The following MATK variants were observed in gnomAD, a reference collection of about 807,000 sequenced individuals.
The protein encoded by MATK is megakaryocyte-associated tyrosine-protein kinase.
MATK carries 41 observed loss-of-function variants against 59.8 expected under a neutral mutation model. The observed-to-expected ratio is 0.69, with a 90% CI of 0.53 to 0.89. The LOEUF is 0.89. Among genes scored for constraint, MATK ranks in the 40% least tolerant of loss-of-function variants. The probability of loss-of-function intolerance (pLI) is 0.00; values close to 1 mark genes in which losing one functional copy is unlikely to be tolerated. For missense variants in MATK, 593 were observed against 719.6 expected, an observed-to-expected ratio of 0.82 and a Z score of 2.01; for synonymous variants, 308 against 306.1, an observed-to-expected ratio of 1.01 and a Z score of -0.06.
At position 3,778,155 on chromosome 19, in the gene MATK, C is replaced by A; in HGVS notation, c.*28G>T. 6.5e-7 allele frequency: 1 copy of A among 1,536,112 alleles called. No homozygotes were observed. Among genetic ancestry groups the A allele is most frequent in the African/African-American group, 1.4e-5 (1 of 72,280 alleles). On this transcript the variant is annotated 3_prime_UTR_variant, in exon 14 of 14. Coordinates refer to ENST00000310132, the MANE Select transcript of MATK (RefSeq NM_139355.3). ...CCGCACTCTCCACTCTCTCGGTCCT[C>A]TGGGGCCAAGGGCCCCACCGGGTGG...
chr19:3,793,248 C>G (rs1330579023), intron 1 of MATK: 2 of 152,246 alleles, frequency 1.3e-5, no homozygotes, highest in African/African-American at 4.8e-5. Context: ...TCCGTGGAAA[C>G]TGGGTCTGTG....
At chr19:3,799,122 C>T (rs965999459) in intron 1 of MATK, among the ~76,000 whole-genome samples, 8 of 152,036 alleles carry the variant, frequency 5.3e-5, no homozygotes, top group African/African-American at 1.7e-4. Flanking sequence ...CCCATTTGCA[C>T]AGCCCCTCAT....
In MATK at chr19:3,786,249, G is replaced by C. The variant is rs947858454; in HGVS notation, c.-232C>G. 191 of 985,318 alleles carry C rather than the reference G, an allele frequency of 1.9e-4. No individual in the cohort carries two copies. In the Middle Eastern group the frequency reaches 3.1e-3, roughly 16 times the overall value. 61.0% of individuals were successfully genotyped at this position (985,318 alleles called of 1,614,324 possible). ...GCGAGCCGGCTGCACACCCCGAGGC[G>C]GTCCCGGCTGCACAACTTGGAGCGA... On this transcript the variant is annotated 5_prime_UTR_variant, in exon 1 of 14. Transcript: ENST00000310132. The surrounding 1 kb of genome is among the most constrained non-coding windows in gnomAD (Gnocchi z 4.1).
At position 3,786,179 on chromosome 19, in the gene MATK, G is replaced by T. The variant is rs2037481144; in HGVS notation, c.-162C>A. 1 of 980,994 alleles carries T rather than the reference G, an allele frequency of 1.0e-6. No homozygotes were observed. The highest frequency in any genetic ancestry group is 1.8e-5 in the African/African-American group (1 of 57,090). 60.8% of individuals were successfully genotyped at this position (980,994 alleles called of 1,614,324 possible). ...CGCCGACGTGCTCACCTGCTCAGGG[G>T]GCGCCCCCGAGCCGCGCCCCGCGCC... On this transcript the variant is annotated 5_prime_UTR_variant, in exon 1 of 14. Transcript: ENST00000310132. The surrounding 1 kb of genome is among the most constrained non-coding windows in gnomAD (Gnocchi z 4.1).
Position 3,785,263 on chromosome 19 carries a change from A to AC in MATK, c.-129dup. On this transcript the variant is annotated 5_prime_UTR_variant, in exon 2 of 14. Coordinates refer to ENST00000310132, the MANE Select transcript of MATK (RefSeq NM_139355.3). ...GAGGTAGGGAGCTGGGTGCCACTGG[A>AC]CCGAGCCTGGTTCTTCCTGTTTTCT... The AC allele has an allele frequency of 6.5e-7, 1 of 1,540,744 alleles. No homozygotes were observed. Among genetic ancestry groups the AC allele is most frequent in the Non-Finnish European group, 8.7e-7 (1 of 1,146,942 alleles).
At chr19:3,800,328 AAAG>A (rs2037631540) in intron 1 of MATK, among the ~76,000 whole-genome samples, 1 of 152,022 alleles carries the variant, frequency 6.6e-6, no homozygotes, top group Non-Finnish European at 1.5e-5. Context: ...ACAGGGCATT[AAAG>A]AATAGAGAGC....
At chr19:3,792,419 G>A (rs1365008904) in intron 1 of MATK, among the ~76,000 whole-genome samples, 1 of 151,980 alleles carries the variant, frequency 6.6e-6, no homozygotes, top group East Asian at 1.9e-4. Context: ...TGATAGAAAG[G>A]CATCGTGACT....
upstream of MATK, among the ~76,000 whole-genome samples, chr19:3,789,818 A>G (rs113128670): frequency 0.025 from 3,478 of 140,296 alleles, 127 homozygotes; most frequent in African/African-American, 0.089. Context: ...TCCATCTCCC[A>G]GGTTCAAGCG....
At chr19:3,788,481 G>A (rs2037510337), upstream of MATK, among the ~76,000 whole-genome samples, 1 of 151,798 alleles carries the variant, frequency 6.6e-6, no homozygotes, top group Non-Finnish European at 1.5e-5. Flanking sequence ...TTAGTCTGGT[G>A]TGGTGGTGGA....
In MATK at chr19:3,784,642, G is replaced by A. The variant is rs533534801; in HGVS notation, c.132+183C>T. On this transcript the variant is annotated intron_variant, in intron 3 of 13. Transcript: ENST00000310132. ...GGGGTGCTCAGAGAGAAATCGTAGA[G>A]TCACAAAGAGAGGCGGCCTGGGACA... The A allele has an allele frequency of 1.6e-4, 105 of 671,706 alleles. No individual in the cohort carries two copies. In the African/African-American group the frequency reaches 1.8e-3, roughly 12 times the overall value. 41.6% of individuals were successfully genotyped at this position (671,706 alleles called of 1,614,324 possible). A position where few individuals can be genotyped will look rare whatever the true frequency, so the allele number is the denominator to read the frequency against.
At chr19:3,795,712 G>A (rs1021369762) in intron 1 of MATK, among the ~76,000 whole-genome samples, 41 of 146,930 alleles carry the variant, frequency 2.8e-4, no homozygotes, top group Non-Finnish European at 6.1e-4. Context: ...TTTGCTCTCC[G>A]CTGCCTTCTC....
chr19:3,788,098 T>TAA (rs2037505813), upstream of MATK, among the ~76,000 whole-genome samples: 5 of 20,298 alleles, frequency 2.5e-4, no homozygotes, highest in Admixed American at 1.1e-3. Flanking sequence ...TTATTAATAT[T>TAA]TATATTATAT....
chr19:3,798,945 A>G (rs895293099), intron 1 of MATK, among the ~76,000 whole-genome samples: 3 of 151,086 alleles, frequency 2.0e-5, no homozygotes, highest in Admixed American at 2.0e-4. Flanking sequence ...AGCTGGGACT[A>G]TAGGCATGCA....
upstream of MATK, among the ~76,000 whole-genome samples, chr19:3,788,503 C>G (rs2037510608): frequency 6.6e-6 from 1 of 151,528 alleles, no homozygotes; most frequent in Non-Finnish European, 1.5e-5. Flanking sequence ...GCCTGTAATC[C>G]CAGCTACTCG....
intron 1 of MATK, among the ~76,000 whole-genome samples, chr19:3,799,865 G>A (rs189483696): frequency 4.4e-4 from 67 of 151,968 alleles, no homozygotes; most frequent in Non-Finnish European, 8.5e-4. Context: ...TGTGTCAGCC[G>A]GGCGCGGTGG....
At chr19:3,786,495 G>GCCTGGCCCTGA (rs2037487402), upstream of MATK, 10 of 695,090 alleles carry the variant, frequency 1.4e-5, no homozygotes, top group Non-Finnish European at 1.6e-5. This position sits in a 1 kb window ranked among gnomAD's most constrained non-coding sequence, Gnocchi z 4.1. Context: ...CGGGCTCCAC[G>GCCTGGCCCTGA]CCTGGCCCTG....
At chr19:3,792,897 G>T (rs945841495) in intron 1 of MATK, among the ~76,000 whole-genome samples, 1 of 152,196 alleles carries the variant, frequency 6.6e-6, no homozygotes, top group Non-Finnish European at 1.5e-5. Flanking sequence ...CACCTGAGCC[G>T]CCATGGCCTC....
At chr19:3,799,577 C>T (rs1260315375) in intron 1 of MATK, among the ~76,000 whole-genome samples, 7 of 152,182 alleles carry the variant, frequency 4.6e-5, no homozygotes, top group Middle Eastern at 3.2e-3. Context: ...TGGTGGCTCA[C>T]GCCTGTAATC....
intron 1 of MATK, among the ~76,000 whole-genome samples, chr19:3,794,631 GGCA>G: frequency 6.6e-6 from 1 of 152,256 alleles, no homozygotes; most frequent in African/African-American, 2.4e-5. Flanking sequence ...CTCCAGCCTG[GGCA>G]ACAGAGCAAG....
Sources: allele counts gnomAD v4.1 joint callset (sites outside exome capture counted in the v4.1 genomes callset), GRCh38; gene constraint gnomAD v4.1.1; non-coding constraint Gnocchi (gnomAD v3.1); transcripts MANE v1.5; gene names NCBI Gene and HGNC (gene_info 2026-07-23, HGNC 2026-07-21).